Variants in GALNT13 observed in about 807,000 individuals in gnomAD.
GALNT13 encodes UDP-GalNAc:polypeptide N-acetylgalactosaminyltransferase 13.
Under a neutral mutation model 64.2 loss-of-function variants are expected in GALNT13, and 28 were observed. The observed-to-expected ratio is 0.44, with a 90% CI of 0.32 to 0.60. The LOEUF (loss-of-function observed/expected upper bound fraction) is 0.60. Ranked by LOEUF, GALNT13 falls within the 20% of genes least tolerant of loss-of-function variation. The pLI is 0.05. For missense variants in GALNT13, 577 were observed against 669.8 expected (o/e 0.86, Z 1.53); for synonymous variants, 214 against 224.6 (o/e 0.95, Z 0.42).
chr2:153,594,414 C>A, the GALNT13 span, among the ~76,000 whole-genome samples: 1 of 152,090 alleles, frequency 6.6e-6, no homozygotes, highest in Non-Finnish European at 1.5e-5. Context: ...ACTTGTCTTC[C>A]ACGATACTAT....
At chr2:153,360,475 A>G in the GALNT13 span, among the ~76,000 whole-genome samples, 1 of 152,262 alleles carries the variant, frequency 6.6e-6, no homozygotes, top group East Asian at 1.9e-4. Flanking sequence ...AAGATCCCAG[A>G]GCAGGGGAAG....
the GALNT13 span, among the ~76,000 whole-genome samples, chr2:153,630,812 T>A: frequency 0.13 from 4,293 of 34,110 alleles, 208 homozygotes; most frequent in South Asian, 0.29. Context: ...TATATATTTT[T>A]TTTTTTTTTT....
At chr2:153,210,671 A>G in the GALNT13 span, among the ~76,000 whole-genome samples, 1 of 152,204 alleles carries the variant, frequency 6.6e-6, no homozygotes, top group Non-Finnish European at 1.5e-5. Context: ...GCCTAACAAA[A>G]TGAAATTGGA....
the GALNT13 span, among the ~76,000 whole-genome samples, chr2:153,641,646 G>A: frequency 6.6e-6 from 1 of 152,120 alleles, no homozygotes; most frequent in Admixed American, 6.6e-5. Flanking sequence ...GGGTCTCAGA[G>A]CAGCACTGTT....
the GALNT13 span, among the ~76,000 whole-genome samples, chr2:153,757,252 A>G: frequency 6.6e-6 from 1 of 152,140 alleles, no homozygotes; most frequent in Non-Finnish European, 1.5e-5. Flanking sequence ...TAGCTTCCAC[A>G]TACAAGAACA....
intron 3 of GALNT13, among the ~76,000 whole-genome samples, chr2:154,022,385 G>C (rs997132017): frequency 6.6e-6 from 1 of 152,116 alleles, no homozygotes; most frequent in Non-Finnish European, 1.5e-5. Flanking sequence ...TTCAGATCCT[G>C]TTATTGGTCT....
the GALNT13 span, among the ~76,000 whole-genome samples, chr2:153,700,040 A>G: frequency 6.6e-6 from 1 of 152,152 alleles, no homozygotes; most frequent in African/African-American, 2.4e-5. Context: ...CACAACAAAA[A>G]ACCCCCAAAA....
At chr2:153,775,550 T>C in the GALNT13 span, among the ~76,000 whole-genome samples, 1 of 152,154 alleles carries the variant, frequency 6.6e-6, no homozygotes, top group South Asian at 2.1e-4. Context: ...TAAAAATGAC[T>C]GAAATTTTCT....
At chr2:153,156,718 G>A in the GALNT13 span, among the ~76,000 whole-genome samples, 3 of 152,086 alleles carry the variant, frequency 2.0e-5, no homozygotes, top group African/African-American at 7.2e-5. Flanking sequence ...CAGTCCTGAT[G>A]GTATTACTGT....
At position 154,421,609 on chromosome 2, in the gene GALNT13, C is replaced by A. The variant is rs1700253912; in HGVS notation, c.1395+12527C>A. 8.7e-4 allele frequency among the ~76,000 whole-genome samples: 3 copies of A among 3,468 alleles called. No individual in the cohort carries two copies. The Admixed American group carries it at 0.015, about 17-fold the overall frequency. The allele number at this position is 3,468 out of a possible 152,430, so 2.3% of individuals were successfully genotyped here. On this transcript the variant is annotated intron_variant, in intron 11 of 12. Coordinates refer to ENST00000392825, the MANE Select transcript of GALNT13 (RefSeq NM_052917.4). ...AGAAAAATTATTTCTAATTTTTTTC[C>A]AAATCTATTCTTAACATTAAAAGCT... is the stretch of plus-strand genomic sequence containing the variant.
At chr2:154,354,516 G>A (rs546630330) in intron 9 of GALNT13, among the ~76,000 whole-genome samples, 4 of 133,610 alleles carry the variant, frequency 3.0e-5, no homozygotes, top group Admixed American at 8.8e-5. Flanking sequence ...TTTCCTCTAC[G>A]TTCCCTTCTA....
At chr2:154,351,244 G>C (rs1389090047) in intron 9 of GALNT13, among the ~76,000 whole-genome samples, 1 of 152,122 alleles carries the variant, frequency 6.6e-6, no homozygotes, top group East Asian at 1.9e-4. Flanking sequence ...GTGTCATAAA[G>C]CTTGATTTTA....
chr2:153,135,714 A>G, the GALNT13 span, among the ~76,000 whole-genome samples: 2 of 152,008 alleles, frequency 1.3e-5, no homozygotes, highest in African/African-American at 4.8e-5. Context: ...TTGGATTTTA[A>G]TAGGTTCAAA....
chr2:153,726,723 A>C, the GALNT13 span, among the ~76,000 whole-genome samples: 1 of 151,920 alleles, frequency 6.6e-6, no homozygotes, highest in Non-Finnish European at 1.5e-5. Flanking sequence ...GGCGGATCAC[A>C]AGGTCAGGAG....
chr2:154,387,005 T>A (rs905243311), intron 9 of GALNT13, among the ~76,000 whole-genome samples: 1 of 152,242 alleles, frequency 6.6e-6, no homozygotes, highest in Admixed American at 6.5e-5. Context: ...GTAAAATTCA[T>A]TATCTCATTT....
chr2:153,748,917 G>C, the GALNT13 span, among the ~76,000 whole-genome samples: 6 of 152,112 alleles, frequency 3.9e-5, no homozygotes, highest in African/African-American at 1.4e-4. Flanking sequence ...CCAATGTCCT[G>C]GATTTTCTCC....
intron 8 of GALNT13, among the ~76,000 whole-genome samples, chr2:154,293,597 T>C (rs1486684655): frequency 1.3e-5 from 2 of 152,192 alleles, no homozygotes; most frequent in African/African-American, 4.8e-5. Flanking sequence ...TTATTCCCAC[T>C]TTCCACTGGG....
At chr2:153,644,347 T>C in the GALNT13 span, among the ~76,000 whole-genome samples, 1 of 152,096 alleles carries the variant, frequency 6.6e-6, no homozygotes, top group Non-Finnish European at 1.5e-5. Context: ...TCCTGAATAA[T>C]GAAAATGCAT....
the GALNT13 span, among the ~76,000 whole-genome samples, chr2:153,360,159 G>T: frequency 2.0e-5 from 3 of 152,300 alleles, no homozygotes; most frequent in South Asian, 4.1e-4. Flanking sequence ...GAGCAGTGGG[G>T]TATGACAGCC....
Sources: allele counts gnomAD v4.1 joint callset (sites outside exome capture counted in the v4.1 genomes callset), GRCh38; gene constraint gnomAD v4.1.1; transcripts MANE v1.5; gene names NCBI Gene and HGNC (gene_info 2026-07-23, HGNC 2026-07-21).